Variants in GNAS-AS1 observed in about 807,000 individuals in gnomAD.
GNAS-AS1 encodes the protein GNAS antisense RNA 1 (non-protein coding).
intron 2 of GNAS-AS1, among the ~76,000 whole-genome samples, chr20:58,846,942 T>C (rs2085963107): frequency 6.6e-6 from 1 of 152,206 alleles, no homozygotes; most frequent in Non-Finnish European, 1.5e-5. Flanking sequence ...CCCCCACTTT[T>C]GCCTCTCTCT....
In GNAS-AS1 at chr20:58,841,426, C is replaced by T. The variant is rs2085722470; in HGVS notation, n.819+511G>A. 1.0e-6 allele frequency: 1 copy of T among 992,526 alleles called. No homozygotes were observed. Among genetic ancestry groups the T allele is most frequent in the East Asian group, 1.1e-4 (1 of 8,986 alleles). 61.5% of individuals were successfully genotyped at this position (992,526 alleles called of 1,614,324 possible). ...GCGAGAACTCTAGAGACTGACCACC[C>T]GGGAGGGAAGTCACGCGCGCGCGGC... On this transcript the variant is annotated intron_variant and non_coding_transcript_variant, in intron 4 of 4. Coordinates refer to ENST00000424094, the Ensembl canonical transcript of GNAS-AS1. This position sits in a 1 kb window ranked among gnomAD's most constrained non-coding sequence, Gnocchi z 5.0.
chr20:58,822,343 ACAGGCACAAGTGGTGG>A (rs1409540445), intron 4 of GNAS-AS1, among the ~76,000 whole-genome samples: 1 of 152,222 alleles, frequency 6.6e-6, no homozygotes, highest in Non-Finnish European at 1.5e-5. Flanking sequence ...GAGATGAGTG[ACAGGCACAAGTGGTGG>A]CAGGCACAGG....
intron 4 of GNAS-AS1, chr20:58,836,429 G>A (rs4812038): frequency 0.75 from 113,505 of 152,132 alleles, 42,713 homozygotes; most frequent in East Asian, 0.8. Context: ...TAAGGAGCTA[G>A]AGACAATATT....
chr20:58,831,955 G>A (rs1289457439), intron 4 of GNAS-AS1, among the ~76,000 whole-genome samples: 1 of 152,144 alleles, frequency 6.6e-6, no homozygotes, highest in Non-Finnish European at 1.5e-5. Flanking sequence ...TCATTTCACT[G>A]TGGACTGGCA....
At chr20:58,842,536 G>T (rs1256511947) in exon 3 of GNAS-AS1, 8 of 398,518 alleles carry the variant, frequency 2.0e-5, no homozygotes, top group Admixed American at 4.4e-5. Flanking sequence ...GGATGCTTTT[G>T]TGGTCTTCCC....
rs938067305 is a variant in GNAS-AS1, at chr20:58,840,785, C to T, written n.819+1152G>A. 6.2e-7 allele frequency: 1 copy of T among 1,611,130 alleles called. No homozygotes were observed. The highest frequency in any genetic ancestry group is 8.5e-7 in the Non-Finnish European group (1 of 1,179,894). On this transcript the variant is annotated intron_variant and non_coding_transcript_variant, in intron 4 of 4. Transcript: ENST00000424094. This position sits in a 1 kb window ranked among gnomAD's most constrained non-coding sequence, Gnocchi z 6.0. The stretch of plus-strand genomic sequence containing the variant: ...CTGCAAGCCAAAGAAGCCCACCCGC[C>T]GTGACGCGTCCCCGGAGTCCCCTTC...
At chr20:58,825,872 GAGCATGGA>G (rs2085516414) in intron 4 of GNAS-AS1, among the ~76,000 whole-genome samples, 1 of 152,198 alleles carries the variant, frequency 6.6e-6, no homozygotes, top group Non-Finnish European at 1.5e-5. Flanking sequence ...GACGAGAGGG[GAGCATGGA>G]AGCCCAGAGT....
At position 58,843,692 on chromosome 20, in the gene GNAS-AS1, G is replaced by A. The variant is rs146043820; in HGVS notation, n.414-1147C>T. Among the ~76,000 whole-genome samples the A allele has an allele frequency of 5.3e-4, 81 of 152,306 alleles. 2 individuals are homozygous for A. The highest frequency in any genetic ancestry group is 5.1e-3 in the Admixed American group (78 of 15,300). On this transcript the variant is annotated intron_variant and non_coding_transcript_variant, in intron 2 of 4. Coordinates refer to ENST00000424094, the Ensembl canonical transcript of GNAS-AS1. ...GAGAATAAAGCTAGCTAAACATGAT[G>A]ATATGCCCCCAATATTGAAGTTGTT...
chr20:58,843,870 TAA>T (rs2085839511), intron 2 of GNAS-AS1, among the ~76,000 whole-genome samples: 1 of 152,226 alleles, frequency 6.6e-6, no homozygotes, highest in Admixed American at 6.5e-5. Flanking sequence ...GATGTAGGTT[TAA>T]AGTTTTGCAA....
intron 4 of GNAS-AS1, among the ~76,000 whole-genome samples, chr20:58,832,268 A>G (rs1265140607): frequency 6.6e-6 from 1 of 152,256 alleles, no homozygotes; most frequent in Non-Finnish European, 1.5e-5. Flanking sequence ...CATAGGATAT[A>G]TTAAAATTAC....
At position 58,841,887 on chromosome 20, in the gene GNAS-AS1, C is replaced by G; in HGVS notation, n.819+50G>C. 1 of 1,231,368 alleles carries G rather than the reference C, an allele frequency of 8.1e-7. No individual in the cohort carries two copies. The highest frequency in any genetic ancestry group is 1.0e-6 in the Non-Finnish European group (1 of 987,846). The allele number at this position is 1,231,368 out of a possible 1,614,324, so 76.3% of individuals were successfully genotyped here. ...TCGCAAGTGGAAAGGTAAAGCGGAACAAGGGACAGGCTGGAGACGGGGGTC... is the reference window on the plus strand; with the variant it reads ...TCGCAAGTGGAAAGGTAAAGCGGAAGAAGGGACAGGCTGGAGACGGGGGTC... On this transcript the variant is annotated intron_variant and non_coding_transcript_variant, in intron 4 of 4. Transcript: ENST00000424094. This position sits in a 1 kb window ranked among gnomAD's most constrained non-coding sequence, Gnocchi z 5.0.
Position 58,840,197 on chromosome 20 carries a change from G to A in GNAS-AS1, n.819+1740C>T. On this transcript the variant is annotated intron_variant and non_coding_transcript_variant, in intron 4 of 4. Coordinates refer to ENST00000424094, the Ensembl canonical transcript of GNAS-AS1. This position sits in a 1 kb window ranked among gnomAD's most constrained non-coding sequence, Gnocchi z 6.0. ...GCCCATAGGCCGCCGGGCAGCCACC[G>A]CGCTCCTCTGGCTCTCCTGCTCCAT... 6.2e-7 allele frequency: 1 copy of A among 1,611,214 alleles called. No homozygotes were observed. The highest frequency in any genetic ancestry group is 1.1e-5 in the South Asian group (1 of 91,060).
At position 58,840,005 on chromosome 20, in the gene GNAS-AS1, C is replaced by A. The variant is rs1272649176; in HGVS notation, n.819+1932G>T. 4.4e-6 allele frequency: 6 copies of A among 1,369,128 alleles called. No homozygotes were observed. The African/African-American group carries it at 8.5e-5, about 19-fold the overall frequency. The allele number at this position is 1,369,128 out of a possible 1,614,324, so 84.8% of individuals were successfully genotyped here. ...TGGGACCTCCGGGCCAGCTTCTCAC[C>A]TCATAGGGTGTACCTTTCCCGGCTC... is the stretch of plus-strand genomic sequence containing the variant. On this transcript the variant is annotated intron_variant and non_coding_transcript_variant, in intron 4 of 4. Transcript: ENST00000424094. This position sits in a 1 kb window ranked among gnomAD's most constrained non-coding sequence, Gnocchi z 6.0.
At position 58,831,233 on chromosome 20, in the gene GNAS-AS1, G is replaced by A. The variant is rs543530969; in HGVS notation, n.819+10704C>T. Among the ~76,000 whole-genome samples, 36 of 152,226 alleles carry A rather than the reference G, an allele frequency of 2.4e-4. No homozygotes were observed. In the South Asian group the frequency reaches 4.6e-3, roughly 19 times the overall value. ...TTTGAGATTTTAGACCAAAATCTAC[G>A]AACAGTGGCATAAGCCACTGTGCCC... is the stretch of plus-strand genomic sequence containing the variant. On this transcript the variant is annotated intron_variant and non_coding_transcript_variant, in intron 4 of 4. Coordinates refer to ENST00000424094, the Ensembl canonical transcript of GNAS-AS1.
At chr20:58,850,527 G>T in intron 1 of GNAS-AS1, 2 of 398,706 alleles carry the variant, frequency 5.0e-6, no homozygotes, top group South Asian at 2.6e-4. Flanking sequence ...AATGTCTACT[G>T]ACCTTCCACT....
At position 58,830,402 on chromosome 20, in the gene GNAS-AS1, G is replaced by GCACCATCACCACCA. The variant is rs1568900249; in HGVS notation, n.820-11148_820-11147insTGGTGGTGATGGTG. On this transcript the variant is annotated intron_variant and non_coding_transcript_variant, in intron 4 of 4. Coordinates refer to ENST00000424094, the Ensembl canonical transcript of GNAS-AS1. ...CACCACAATCACCACCACCATCACT[G>GCACCATCACCACCA]CCACACCACCATCACCACCACCGCC... Among the ~76,000 whole-genome samples, 50 of 17,820 alleles carry GCACCATCACCACCA rather than the reference G, an allele frequency of 2.8e-3. 1 individual carries two copies. The highest frequency in any genetic ancestry group is 3.9e-3 in the Non-Finnish European group (38 of 9,688). The allele number at this position is 17,820 out of a possible 152,430, so 11.7% of individuals were successfully genotyped here.
At chr20:58,844,625 A>C (rs112232714) in intron 2 of GNAS-AS1, among the ~76,000 whole-genome samples, 97 of 152,222 alleles carry the variant, frequency 6.4e-4, no homozygotes, top group African/African-American at 2.2e-3. Flanking sequence ...TTCAGCTCCA[A>C]ATGTCTAGAT....
intron 2 of GNAS-AS1, among the ~76,000 whole-genome samples, chr20:58,848,638 G>T (rs2086033901): frequency 6.6e-6 from 1 of 152,186 alleles, no homozygotes; most frequent in Admixed American, 6.5e-5. Flanking sequence ...CCATGTTTCT[G>T]TCTTGAGCTA....
chr20:58,830,612 CCA>C (rs1417382407), intron 4 of GNAS-AS1, among the ~76,000 whole-genome samples: 3 of 135,114 alleles, frequency 2.2e-5, no homozygotes, highest in Admixed American at 7.2e-5. Context: ...ACCATCACCA[CCA>C]CACCACCATC....
Sources: gnomAD v4.1 joint callset for allele counts (sites outside exome capture counted in the v4.1 genomes callset) on GRCh38, gnomAD v4.1.1 for gene constraint, Gnocchi (gnomAD v3.1) non-coding constraint, MANE v1.5 for transcripts, NCBI Gene and HGNC (gene_info 2026-07-23, HGNC 2026-07-21) for gene names.